The following CCDC141 variants were observed in gnomAD, a reference collection of about 807,000 sequenced individuals.
CCDC141 encodes coiled-coil domain containing 141, also known as coiled-coil domain-containing protein 141.
In CCDC141, 168 loss-of-function variants were observed where a neutral mutation model predicts 181.0. The observed-to-expected ratio is 0.93, with a 90% CI of 0.82 to 1.05. CCDC141 has a LOEUF of 1.05. Ranked by LOEUF, CCDC141 falls within the 50% of genes least tolerant of loss-of-function variation. The pLI is 0.00. For synonymous variants in CCDC141, 666 were observed against 642.3 expected, an observed-to-expected ratio of 1.04 and a Z score of -0.56; for missense variants, 1,902 against 1,788.5, an observed-to-expected ratio of 1.06 and a Z score of -1.14.
intron 2 of CCDC141, among the ~76,000 whole-genome samples, chr2:179,015,105 A>ATAT (rs2042417054): frequency 2.3e-4 from 5 of 21,352 alleles, no homozygotes; most frequent in African/African-American, 5.6e-4. Context: ...TATATATATA[A>ATAT]TATATATATA....
intron 2 of CCDC141, among the ~76,000 whole-genome samples, chr2:179,006,253 A>C (rs192332992): frequency 6.6e-6 from 1 of 152,192 alleles, no homozygotes; most frequent in Admixed American, 6.5e-5. Flanking sequence ...TGTTATTTTT[A>C]TCTTAACATA....
intron 4 of CCDC141, among the ~76,000 whole-genome samples, chr2:178,964,686 G>A (rs139067061): frequency 1.4e-4 from 22 of 152,170 alleles, no homozygotes; most frequent in Non-Finnish European, 2.9e-4. Context: ...AGTTTCTTAC[G>A]TTTTTCTTTT....
intron 6 of CCDC141, among the ~76,000 whole-genome samples, chr2:178,940,349 T>G (rs767436974): frequency 1.3e-5 from 2 of 152,200 alleles, no homozygotes; most frequent in Non-Finnish European, 2.9e-5. Flanking sequence ...AAGAACTGTA[T>G]AAACTAGATG....
intron 11 of CCDC141, among the ~76,000 whole-genome samples, chr2:178,883,720 T>C (rs12693171): frequency 0.85 from 128,981 of 152,108 alleles, 54,798 homozygotes; most frequent in East Asian, 0.99. Context: ...TGAAGAGGAG[T>C]GTGATCTACA....
At chr2:178,953,306 A>G (rs1690032600) in intron 5 of CCDC141, among the ~76,000 whole-genome samples, 1 of 152,030 alleles carries the variant, frequency 6.6e-6, no homozygotes, top group African/African-American at 2.4e-5. Context: ...GTGTGGTGGC[A>G]GGCGCCTGTA....
chr2:178,851,554 C>T (rs1321537912), intron 20 of CCDC141, among the ~76,000 whole-genome samples: 7 of 152,128 alleles, frequency 4.6e-5, no homozygotes, highest in Admixed American at 4.6e-4. Context: ...GAAGAGGCAG[C>T]AAGGGATCAG....
chr2:178,823,682 A>G, the CCDC141 span, among the ~76,000 whole-genome samples: 1 of 152,236 alleles, frequency 6.6e-6, no homozygotes, highest in Non-Finnish European at 1.5e-5. Flanking sequence ...TTTAGAAATA[A>G]TTCTTTTTGG....
Position 178,833,414 on chromosome 2 carries a change from A to T in CCDC141, c.*759T>A, listed in dbSNP as rs1419316591. On this transcript the variant is annotated 3_prime_UTR_variant, in exon 24 of 24. Transcript: ENST00000443758. ...AAAAATGGTCATCAGCAGAATCAAG[A>T]TTAGAAGCAGAAACACCTGGTTACA... 2.6e-5 allele frequency: 4 copies of T among 152,226 alleles called. No individual in the cohort carries two copies. Among genetic ancestry groups the T allele is most frequent in the Non-Finnish European group, 4.4e-5 (3 of 68,024 alleles). 9.4% of individuals were successfully genotyped at this position (152,226 alleles called of 1,614,324 possible).
At chr2:178,869,585 C>T (rs1375492544) in intron 14 of CCDC141, among the ~76,000 whole-genome samples, 1 of 152,124 alleles carries the variant, frequency 6.6e-6, no homozygotes, top group Non-Finnish European at 1.5e-5. Flanking sequence ...CTATGGCATA[C>T]CAAATATTCT....
intron 2 of CCDC141, among the ~76,000 whole-genome samples, chr2:178,987,078 C>T (rs546360772): frequency 1.3e-5 from 2 of 148,278 alleles, no homozygotes; most frequent in African/African-American, 5.0e-5. Flanking sequence ...TACTACAAGG[C>T]TACAGTAACC....
At chr2:178,970,009 C>G (rs1028290130) in intron 4 of CCDC141, among the ~76,000 whole-genome samples, 10 of 152,132 alleles carry the variant, frequency 6.6e-5, no homozygotes, top group Non-Finnish European at 1.2e-4. Flanking sequence ...CATGAGTGAA[C>G]TCCCATTCAC....
At chr2:178,899,386 G>C (rs1012317160) in intron 8 of CCDC141, among the ~76,000 whole-genome samples, 11 of 152,038 alleles carry the variant, frequency 7.2e-5, no homozygotes, top group Admixed American at 1.3e-4. Flanking sequence ...CTTGTTTATT[G>C]AGCCCTTTCT....
intron 2 of CCDC141, among the ~76,000 whole-genome samples, chr2:178,994,794 C>T (rs1412454913): frequency 1.3e-5 from 2 of 152,176 alleles, no homozygotes; most frequent in African/African-American, 4.8e-5. Flanking sequence ...ATTTCTTCCA[C>T]CATATGCCCT....
At chr2:178,957,364 G>A (rs1690205978) in intron 5 of CCDC141, among the ~76,000 whole-genome samples, 1 of 152,120 alleles carries the variant, frequency 6.6e-6, no homozygotes, top group Non-Finnish European at 1.5e-5. Context: ...AAACAGCAAC[G>A]AGACACCACA....
intron 5 of CCDC141, among the ~76,000 whole-genome samples, chr2:178,953,583 C>G (rs1193327614): frequency 1.3e-5 from 2 of 152,210 alleles, no homozygotes; most frequent in Non-Finnish European, 1.5e-5. Flanking sequence ...TCATTACAAT[C>G]ATGGGACCAG....
intron 1 of CCDC141, among the ~76,000 whole-genome samples, chr2:179,049,587 T>C (rs1206858852): frequency 6.7e-6 from 1 of 150,314 alleles, no homozygotes; most frequent in Non-Finnish European, 1.5e-5. Flanking sequence ...TTTCTTTCTT[T>C]TCTTTTTTTT....
chr2:178,856,377 A>T lies in CCDC141; in HGVS notation c.2745T>A (p.Asp915Glu), dbSNP rs966608278. ...EINELKDSFK[D>E]IKKKFNNLKF... ...TCAAATTATTGAATTTCTTTTTGAT[A>T]TCTTTGAATGAGTCTTTGAGCTGTA... The change falls in exon 18 of 24, where the codon GAT becomes GAA. Residue 915 changes from aspartate (D) to glutamate (E), a missense_variant. Coordinates refer to ENST00000443758, the MANE Select transcript of CCDC141 (RefSeq NM_173648.4). The T allele has an allele frequency of 3.8e-6, 6 of 1,596,592 alleles. No homozygotes were observed. The Admixed American group carries it at 1.0e-4, about 27-fold the overall frequency.
intron 20 of CCDC141, among the ~76,000 whole-genome samples, chr2:178,850,771 T>C (rs902182249): frequency 2.0e-5 from 3 of 152,250 alleles, no homozygotes; most frequent in Admixed American, 1.3e-4. Flanking sequence ...TTTCTCTCTA[T>C]ATATTGTAAT....
intron 5 of CCDC141, among the ~76,000 whole-genome samples, chr2:178,947,619 G>C (rs567145763): frequency 6.6e-6 from 1 of 152,230 alleles, no homozygotes; most frequent in African/African-American, 2.4e-5. Flanking sequence ...TGTGTGTAGT[G>C]ATGGGATGAC....
Sources: gnomAD v4.1 joint callset for allele counts (sites outside exome capture counted in the v4.1 genomes callset) on GRCh38, gnomAD v4.1.1 for gene constraint, MANE v1.5 for transcripts, NCBI Gene and HGNC (gene_info 2026-07-23, HGNC 2026-07-21) for gene names.